FHOD3: variants seen among roughly 807,000 people sequenced by gnomAD.
The protein encoded by FHOD3 is formin homology 2 domain containing 3.
In FHOD3, 90 loss-of-function variants were observed where a neutral mutation model predicts 173.0. That is an observed-to-expected ratio of 0.52 (90% CI 0.44 to 0.62). The LOEUF is 0.62. Ranked by LOEUF, FHOD3 falls within the 20% of genes least tolerant of loss-of-function variation. The pLI is 0.00. For synonymous variants in FHOD3, 828 were observed against 823.0 expected (o/e 1.01, Z -0.10); for missense variants, 1,945 against 2,034.7 (o/e 0.96, Z 0.85).
At chr18:36,483,895 CT>C (rs1454049247) in intron 3 of FHOD3, among the ~76,000 whole-genome samples, 21 of 152,340 alleles carry the variant, frequency 1.4e-4, no homozygotes, top group African/African-American at 4.8e-4. Context: ...TCTTCAAGCA[CT>C]GCAGGTGTTA....
At chr18:36,353,431 C>G (rs2046222579) in intron 1 of FHOD3, among the ~76,000 whole-genome samples, 1 of 152,188 alleles carries the variant, frequency 6.6e-6, no homozygotes, top group Non-Finnish European at 1.5e-5. Flanking sequence ...TTGCATTTCT[C>G]TTGTTGAGGA....
intron 3 of FHOD3, among the ~76,000 whole-genome samples, chr18:36,471,022 T>G (rs2053253618): frequency 6.6e-6 from 1 of 152,202 alleles, no homozygotes; most frequent in African/African-American, 2.4e-5. Flanking sequence ...TTCCTGGCTT[T>G]GAACGCCCAC....
chr18:36,625,472 C>T (rs2034028219), intron 9 of FHOD3, 39 bp from the exon 10 acceptor site: 1 of 1,371,932 alleles, frequency 7.3e-7, no homozygotes, highest in African/African-American at 1.5e-5. Flanking sequence ...GAAAGGATGC[C>T]AAGCCTGACC....
At chr18:36,382,239 A>C (rs1212021638) in intron 3 of FHOD3, among the ~76,000 whole-genome samples, 4 of 152,110 alleles carry the variant, frequency 2.6e-5, no homozygotes, top group Non-Finnish European at 5.9e-5. Flanking sequence ...GCAGACTTTG[A>C]TGAGCGAATG....
intron 3 of FHOD3, 48 bp downstream of exon 3, chr18:36,372,792 AC>A (rs1475292881): frequency 6.7e-7 from 1 of 1,489,374 alleles, no homozygotes; most frequent in Non-Finnish European, 9.3e-7. Flanking sequence ...GAAAGACGCG[AC>A]TTATGGGAAT....
At chr18:36,603,480 C>A (rs905866622) in intron 8 of FHOD3, among the ~76,000 whole-genome samples, 1 of 150,992 alleles carries the variant, frequency 6.6e-6, no homozygotes, top group African/African-American at 2.4e-5. Context: ...CAAGTTGGCC[C>A]CTTAAAATAA....
intron 1 of FHOD3, among the ~76,000 whole-genome samples, chr18:36,336,009 C>T (rs926464688): frequency 2.4e-4 from 36 of 152,172 alleles, no homozygotes; most frequent in African/African-American, 8.7e-4. Flanking sequence ...GGACATACAA[C>T]GTGTTCTTAC....
intron 17 of FHOD3, among the ~76,000 whole-genome samples, chr18:36,700,257 G>A (rs527707284): frequency 1.1e-4 from 16 of 152,152 alleles, no homozygotes; most frequent in African/African-American, 2.6e-4. Context: ...AGCTCAGGGC[G>A]TGTGTATTGC....
At chr18:36,673,565 A>T (rs1368220150) in intron 14 of FHOD3, among the ~76,000 whole-genome samples, 1 of 152,164 alleles carries the variant, frequency 6.6e-6, no homozygotes, top group African/African-American at 2.4e-5. Context: ...ACAGTAGTGA[A>T]CACTCCCAGA....
chr18:36,303,662 G>A (rs955447333), intron 1 of FHOD3, among the ~76,000 whole-genome samples: 1 of 151,672 alleles, frequency 6.6e-6, no homozygotes, highest in African/African-American at 2.4e-5. Context: ...CTCTGACGAT[G>A]ATACTTTTGA....
At chr18:36,371,787 T>A (rs763509510) in intron 2 of FHOD3, among the ~76,000 whole-genome samples, 1 of 152,110 alleles carries the variant, frequency 6.6e-6, no homozygotes, top group Non-Finnish European at 1.5e-5. Flanking sequence ...CAGATTCTGT[T>A]ATACATTAAG....
intron 3 of FHOD3, among the ~76,000 whole-genome samples, chr18:36,444,036 A>G (rs2051313975): frequency 6.6e-6 from 1 of 152,110 alleles, no homozygotes; most frequent in Admixed American, 6.5e-5. Flanking sequence ...TACTAAAAAT[A>G]CAAAAAATTA....
chr18:36,625,422 A>G lies in FHOD3; in HGVS notation c.958-89A>G, dbSNP rs2644253. On this transcript the variant is annotated intron_variant, in intron 9 of 28. Coordinates refer to ENST00000590592, the MANE Select transcript of FHOD3 (RefSeq NM_001281740.3). The stretch of plus-strand genomic sequence containing the variant: ...TGCGAAGACAGAGTTAAAAATCCCT[A>G]TTAGGGCAATCCTGAAATGCAGTCA... 1,010,017 of 1,195,404 alleles carry G rather than the reference A, an allele frequency of 0.84. 428,593 individuals carry two copies. Among genetic ancestry groups the G allele is most frequent in the East Asian group, 1 (35,196 of 35,250 alleles). 74.0% of individuals were successfully genotyped at this position (1,195,404 alleles called of 1,614,324 possible). A position where few individuals can be genotyped will look rare whatever the true frequency, so the allele number is the denominator to read the frequency against.
intron 16 of FHOD3, among the ~76,000 whole-genome samples, chr18:36,688,434 C>T (rs184124758): frequency 8.7e-4 from 132 of 152,280 alleles, no homozygotes; most frequent in African/African-American, 3.1e-3. Context: ...TTAGATCAAC[C>T]TCTTAAATAA....
chr18:36,346,086 C>T (rs2045867329), intron 1 of FHOD3, among the ~76,000 whole-genome samples: 1 of 152,248 alleles, frequency 6.6e-6, no homozygotes, highest in African/African-American at 2.4e-5. Flanking sequence ...CCAATTTTGG[C>T]TGGGCACAGT....
intron 10 of FHOD3, among the ~76,000 whole-genome samples, chr18:36,636,369 T>A (rs1424078268): frequency 6.6e-6 from 1 of 152,156 alleles, no homozygotes; most frequent in Non-Finnish European, 1.5e-5. Flanking sequence ...TGAGATTATT[T>A]TTTCTTGATA....
intron 18 of FHOD3, among the ~76,000 whole-genome samples, chr18:36,715,703 A>G (rs1271297047): frequency 1.4e-5 from 2 of 143,064 alleles, no homozygotes; most frequent in Admixed American, 1.3e-4. Flanking sequence ...TAAAATAAGT[A>G]AAACGTGACA....
At chr18:36,603,685 G>A (rs947591987) in intron 8 of FHOD3, among the ~76,000 whole-genome samples, 1 of 151,908 alleles carries the variant, frequency 6.6e-6, no homozygotes, top group Non-Finnish European at 1.5e-5. Context: ...TGTATTTTTA[G>A]TAGAGTCGGG....
At chr18:36,535,097 C>A (rs2056942771) in intron 5 of FHOD3, among the ~76,000 whole-genome samples, 1 of 152,178 alleles carries the variant, frequency 6.6e-6, no homozygotes, top group South Asian at 2.1e-4. Context: ...AAAAATATTG[C>A]TGTTATCAAC....
Sources: gnomAD v4.1 joint callset for allele counts (sites outside exome capture counted in the v4.1 genomes callset) on GRCh38, gnomAD v4.1.1 for gene constraint, MANE v1.5 for transcripts, NCBI Gene and HGNC (gene_info 2026-07-23, HGNC 2026-07-21) for gene names.